The following NTM variants were observed in gnomAD, a reference collection of about 807,000 sequenced individuals.
The protein encoded by NTM is neurotrimin, also known as IgLON family member 2.
NTM carries 13 observed loss-of-function variants against 42.1 expected under a neutral mutation model. The ratio of observed to expected loss-of-function variants is 0.31; its 90% CI spans 0.20 to 0.49. The LOEUF is 0.49. Ranked by LOEUF, NTM falls within the 20% of genes least tolerant of loss-of-function variation. The probability of loss-of-function intolerance (pLI) is 0.99; values close to 1 mark genes in which losing one functional copy is unlikely to be tolerated. For synonymous variants in NTM, 187 were observed against 179.2 expected (o/e 1.04, Z -0.35); for missense variants, 373 against 452.8 (o/e 0.82, Z 1.60).
intron 1 of NTM, among the ~76,000 whole-genome samples, chr11:131,869,158 A>G (rs763464342): frequency 2.6e-5 from 4 of 152,080 alleles, no homozygotes; most frequent in Non-Finnish European, 4.4e-5. Flanking sequence ...AAAAATTAGT[A>G]GATTTCACTT....
At chr11:131,817,106 T>A (rs189343327) in intron 1 of NTM, among the ~76,000 whole-genome samples, 187 of 152,336 alleles carry the variant, frequency 1.2e-3, no homozygotes, top group Middle Eastern at 3.4e-3. Flanking sequence ...AATTTTGGTT[T>A]GGCTGGGTCT....
chr11:131,917,749 G>A (rs1181221961), intron 2 of NTM, among the ~76,000 whole-genome samples: 8 of 152,272 alleles, frequency 5.3e-5, no homozygotes, highest in Admixed American at 5.2e-4. Context: ...CCCCCTCTCA[G>A]GACCCGCCAC....
intron 1 of NTM, among the ~76,000 whole-genome samples, chr11:131,541,518 A>C (rs925687945): frequency 1.3e-5 from 2 of 152,184 alleles, no homozygotes; most frequent in Admixed American, 6.5e-5. Context: ...TTTGTGAGCT[A>C]TGTAAAGTCA....
intron 1 of NTM, among the ~76,000 whole-genome samples, chr11:131,583,229 G>A (rs1259881944): frequency 1.3e-5 from 2 of 152,154 alleles, no homozygotes; most frequent in East Asian, 3.8e-4. Flanking sequence ...CTAGAGAGTA[G>A]AGAAGCCTCT....
chr11:131,727,878 G>T (rs770438034), intron 1 of NTM, among the ~76,000 whole-genome samples: 2 of 152,188 alleles, frequency 1.3e-5, no homozygotes, highest in Non-Finnish European at 2.9e-5. Flanking sequence ...TTTAGAACAT[G>T]ATATATAGCA....
chr11:131,936,073 T>C (rs2059183169), intron 2 of NTM, among the ~76,000 whole-genome samples: 1 of 152,066 alleles, frequency 6.6e-6, no homozygotes, highest in Non-Finnish European at 1.5e-5. Flanking sequence ...AATATCAATA[T>C]AAAAATTGGT....
chr11:132,175,845 A>G (rs192109132), intron 3 of NTM, among the ~76,000 whole-genome samples: 47 of 152,306 alleles, frequency 3.1e-4, no homozygotes, highest in African/African-American at 1.0e-3. Context: ...ATTCTATCTC[A>G]GGAAAATTCT....
chr11:131,785,215 GT>G (rs1041068865), intron 1 of NTM, among the ~76,000 whole-genome samples: 5 of 152,168 alleles, frequency 3.3e-5, no homozygotes, highest in African/African-American at 1.2e-4. Context: ...ACATATCTGG[GT>G]GTGGGCAGTG....
chr11:131,738,257 GT>G (rs1407157577), intron 1 of NTM, among the ~76,000 whole-genome samples: 1 of 152,220 alleles, frequency 6.6e-6, no homozygotes, highest in Admixed American at 6.5e-5. Flanking sequence ...TTGCCACAGT[GT>G]GGGGGTGAAT....
chr11:131,731,887 G>A (rs1395815551), intron 1 of NTM, among the ~76,000 whole-genome samples: 1 of 152,150 alleles, frequency 6.6e-6, no homozygotes, highest in African/African-American at 2.4e-5. Flanking sequence ...CCATGCATTG[G>A]TGCTGCTGGG....
At chr11:131,694,863 T>C (rs1270053742) in intron 1 of NTM, among the ~76,000 whole-genome samples, 1 of 151,960 alleles carries the variant, frequency 6.6e-6, no homozygotes, top group East Asian at 1.9e-4. Context: ...CAGCTGACAA[T>C]GTAGGAATCT....
intron 1 of NTM, among the ~76,000 whole-genome samples, chr11:131,789,636 A>AGAAGGAGAAGAAG: frequency 3.2e-5 from 1 of 30,900 alleles, no homozygotes; most frequent in South Asian, 8.4e-4. Flanking sequence ...AAGAAGAAGA[A>AGAAGGAGAAGAAG]AAGAAGAAGA....
chr11:131,523,803 AAAG>A (rs1462671493), intron 1 of NTM, among the ~76,000 whole-genome samples: 118 of 151,160 alleles, frequency 7.8e-4, no homozygotes, highest in African/African-American at 2.7e-3. Flanking sequence ...AAAAAAAAAA[AAAG>A]AATAAGAAGA....
At chr11:131,449,154 T>G (rs1378223333) in intron 1 of NTM, among the ~76,000 whole-genome samples, 3 of 152,226 alleles carry the variant, frequency 2.0e-5, no homozygotes, top group Non-Finnish European at 4.4e-5. Flanking sequence ...CTTACATTTA[T>G]TTTTCTTCTC....
At chr11:131,633,722 TCTCTCTCTCTCTCTCC>T (rs2063975963) in intron 1 of NTM, among the ~76,000 whole-genome samples, 2 of 65,330 alleles carry the variant, frequency 3.1e-5, no homozygotes, top group Admixed American at 4.0e-4. Flanking sequence ...TCCCTCCCTC[TCTCTCTCTCTCTCTCC>T]CTCCCTCTCT....
At chr11:132,190,832 G>C (rs2079193091) in intron 3 of NTM, among the ~76,000 whole-genome samples, 1 of 152,092 alleles carries the variant, frequency 6.6e-6, no homozygotes, top group African/African-American at 2.4e-5. Context: ...TTCCTTCAGG[G>C]GTTAGCTCTG....
At chr11:131,933,007 C>T (rs914856305) in intron 2 of NTM, among the ~76,000 whole-genome samples, 7 of 152,166 alleles carry the variant, frequency 4.6e-5, no homozygotes, top group African/African-American at 4.8e-5. Context: ...GTGAGCTGAG[C>T]GCCACTAGAT....
chr11:131,767,854 G>A (rs1375703013), intron 1 of NTM, among the ~76,000 whole-genome samples: 11 of 152,090 alleles, frequency 7.2e-5, no homozygotes, highest in Admixed American at 3.9e-4. Flanking sequence ...ACATCCAAGC[G>A]AGGAGACAGG....
chr11:131,561,700 T>G (rs1271984559), intron 1 of NTM, among the ~76,000 whole-genome samples: 1 of 100,178 alleles, frequency 1.0e-5, no homozygotes, highest in Non-Finnish European at 1.8e-5. Context: ...CCAGATACTC[T>G]GTTATTCCCA....
Sources: allele counts gnomAD v4.1 joint callset (sites outside exome capture counted in the v4.1 genomes callset), GRCh38; gene constraint gnomAD v4.1.1; transcripts MANE v1.5; gene names NCBI Gene and HGNC (gene_info 2026-07-23, HGNC 2026-07-21).